Variants in MAX observed in about 807,000 individuals in gnomAD.
MAX encodes the protein protein max.
A neutral mutation model predicts 22.3 loss-of-function variants in MAX; 3 were observed. The observed-to-expected ratio is 0.13, with a 90% CI of 0.06 to 0.35. The LOEUF is 0.35. MAX is among the 10% of genes least tolerant of loss of function. The pLI is 1.00. For synonymous variants in MAX, 72 were observed against 77.7 expected (o/e 0.93, Z 0.39); for missense variants, 119 against 209.4 (o/e 0.57, Z 2.66).
At chr14:65,090,179 A>G (rs982614760) in intron 3 of MAX, 1 of 152,220 alleles carries the variant, frequency 6.6e-6, no homozygotes, top group Non-Finnish European at 1.5e-5. Flanking sequence ...CACTGCCAAG[A>G]TTAATAGGCC....
In MAX at chr14:65,075,560, C is replaced by T. The variant is rs2063036190; in HGVS notation, c.*916G>A. On this transcript the variant is annotated 3_prime_UTR_variant, in exon 5 of 5. Transcript: ENST00000358664. The surrounding 1 kb of genome is among the most constrained non-coding windows in gnomAD (Gnocchi z 4.1). The stretch of plus-strand genomic sequence containing the variant: ...GGAAGAAAGAAAGATTTCATCATTA[C>T]TTTATGAATCTGTCGCTTTGCAAGA... 3 of 1,065,812 alleles carry T rather than the reference C, an allele frequency of 2.8e-6. No homozygotes were observed. The highest frequency in any genetic ancestry group is 9.1e-5 in the South Asian group (2 of 21,992). 66.0% of individuals were successfully genotyped at this position (1,065,812 alleles called of 1,614,324 possible).
At chr14:65,072,982 A>C (rs1445684510), downstream of MAX, among the ~76,000 whole-genome samples, 1 of 152,174 alleles carries the variant, frequency 6.6e-6, no homozygotes, top group Non-Finnish European at 1.5e-5. Flanking sequence ...ACTTTAGGAA[A>C]GGTGTCTGGG....
rs146496267 is a variant in MAX, at chr14:65,056,208, T to C, written c.171+37500A>G. Among the ~76,000 whole-genome samples, 488 of 152,354 alleles carry C rather than the reference T, an allele frequency of 3.2e-3. 3 individuals are homozygous for C. The highest frequency in any genetic ancestry group is 0.011 in the African/African-American group (470 of 41,576). ...GCTTTTTCCACTTGCCATTGTATTT[T>C]TGAGGTTTATCTGTGTTCACATGTG... On this transcript the variant is annotated intron_variant, in intron 3 of 3. Coordinates refer to the MAX transcript ENST00000341653.
rs972243087 is a variant in MAX, at chr14:65,014,233, C to G, written c.172-7949G>C. On this transcript the variant is annotated intron_variant, in intron 3 of 3. Coordinates refer to the MAX transcript ENST00000341653. The surrounding 1 kb of genome is among the most constrained non-coding windows in gnomAD (Gnocchi z 5.1). ...TTTAATTTATAAAACTGGGGCAGTA[C>G]TCCTACCTACCCTGCCTAGCCTTGA... Among the ~76,000 whole-genome samples, 1 of 152,196 alleles carries G rather than the reference C, an allele frequency of 6.6e-6. No homozygotes were observed. The highest frequency in any genetic ancestry group is 1.5e-5 in the Non-Finnish European group (1 of 68,038).
chr14:65,054,930 C>G lies in MAX; in HGVS notation c.171+38778G>C, dbSNP rs1273328799. On this transcript the variant is annotated intron_variant, in intron 3 of 3. Coordinates refer to the MAX transcript ENST00000341653. This position sits in a 1 kb window ranked among gnomAD's most constrained non-coding sequence, Gnocchi z 4.4. ...TGTCAAAGAGCTGTTGTGCCTTTATCCCAGGGCTGAGGACCTAGCCCACTG... is the reference window on the plus strand; with the variant it reads ...TGTCAAAGAGCTGTTGTGCCTTTATGCCAGGGCTGAGGACCTAGCCCACTG... 6.6e-6 allele frequency among the ~76,000 whole-genome samples: 1 copy of G among 152,204 alleles called. No homozygotes were observed. The highest frequency in any genetic ancestry group is 1.5e-5 in the Non-Finnish European group (1 of 68,028).
chr14:65,075,162 TA>T lies in MAX; in HGVS notation c.*1313del, dbSNP rs2063026357. The stretch of plus-strand genomic sequence containing the variant: ...TAAGTTTTTATTTATAGTCTTATAG[TA>T]AAGGGGGAAGCCTTAACTTGCAAGA... On this transcript the variant is annotated 3_prime_UTR_variant, in exon 5 of 5. Transcript: ENST00000358664. This position sits in a 1 kb window ranked among gnomAD's most constrained non-coding sequence, Gnocchi z 4.1. 1 of 1,029,936 alleles carries T rather than the reference TA, an allele frequency of 9.7e-7. No individual in the cohort carries two copies. The highest frequency in any genetic ancestry group is 1.7e-5 in the African/African-American group (1 of 58,974). 63.8% of individuals were successfully genotyped at this position (1,029,936 alleles called of 1,614,324 possible). A position where few individuals can be genotyped will look rare whatever the true frequency, so the allele number is the denominator to read the frequency against.
At position 65,078,139 on chromosome 14, in the gene MAX, G is replaced by A. The variant is rs1019390275; in HGVS notation, c.172-103C>T. The A allele has an allele frequency of 4.8e-6, 6 of 1,250,446 alleles. No homozygotes were observed. The Admixed American group carries it at 1.1e-4, about 23-fold the overall frequency. 77.5% of individuals were successfully genotyped at this position (1,250,446 alleles called of 1,614,324 possible). On this transcript the variant is annotated intron_variant, in intron 3 of 4. Coordinates refer to ENST00000358664, the MANE Select transcript of MAX (RefSeq NM_002382.5). This position sits in a 1 kb window ranked among gnomAD's most constrained non-coding sequence, Gnocchi z 6.4. ...ACTGCTTGGGTGGCTGGAAACGAGAGGGTAAGGTGGGAAAAGGCTGAAGAA... is the reference window on the plus strand; with the variant it reads ...ACTGCTTGGGTGGCTGGAAACGAGAAGGTAAGGTGGGAAAAGGCTGAAGAA...
rs2062041157 is a variant in MAX at position 65,029,512 on chromosome 14, T to TA, written c.172-23229dup. 6.6e-6 allele frequency among the ~76,000 whole-genome samples: 1 copy of TA among 152,236 alleles called. No individual in the cohort carries two copies. Among genetic ancestry groups the TA allele is most frequent in the Non-Finnish European group, 1.5e-5 (1 of 68,032 alleles). On this transcript the variant is annotated intron_variant, in intron 3 of 3. Transcript: ENST00000341653. This position sits in a 1 kb window ranked among gnomAD's most constrained non-coding sequence, Gnocchi z 4.7. Reference sequence around the variant, plus strand: ...AAGGGTCTGTAGTTCCAGTGTATTGTAAAAAATCAAATCACAGTGAACTCA... The same window carrying TA: ...AAGGGTCTGTAGTTCCAGTGTATTGTAAAAAAATCAAATCACAGTGAACTCA...
At chr14:65,038,691 C>T (rs2062272065) in intron 3 of MAX, among the ~76,000 whole-genome samples, 1 of 152,150 alleles carries the variant, frequency 6.6e-6, no homozygotes, top group South Asian at 2.1e-4. Flanking sequence ...GTACTCCAGC[C>T]TCGGCATCAG....
At chr14:65,102,615 C>G (rs1347655612), upstream of MAX, 6 of 1,287,560 alleles carry the variant, frequency 4.7e-6, no homozygotes, top group African/African-American at 7.6e-5. Context: ...GTTCTTGTCC[C>G]TCTAACAGAC....
intron 3 of MAX, among the ~76,000 whole-genome samples, chr14:65,019,452 A>C (rs1248144433): frequency 6.6e-6 from 1 of 152,154 alleles, no homozygotes; most frequent in Non-Finnish European, 1.5e-5. Context: ...ACACCACTGC[A>C]CTCCAGCCTG....
At chr14:65,085,799 A>C (rs185700464) in intron 3 of MAX, among the ~76,000 whole-genome samples, 193 of 152,328 alleles carry the variant, frequency 1.3e-3, no homozygotes, top group Non-Finnish European at 9.8e-4. Context: ...GGAACCCCCA[A>C]GTCACCTGGG....
intron 3 of MAX, among the ~76,000 whole-genome samples, chr14:65,067,553 G>T (rs1039164521): frequency 6.6e-6 from 1 of 151,646 alleles, no homozygotes; most frequent in Non-Finnish European, 1.5e-5. Flanking sequence ...TGAAAAGTAT[G>T]GCCAGGTATT....
In MAX at chr14:65,027,220, G is replaced by A. The variant is rs948012154; in HGVS notation, c.172-20936C>T. ...CCCAGCCTTGTGTTCCCTGCTTCAT[G>A]ACCAACAAGCGCTTAAGTACGAAAC... On this transcript the variant is annotated intron_variant, in intron 3 of 3. Coordinates refer to the MAX transcript ENST00000341653. This position sits in a 1 kb window ranked among gnomAD's most constrained non-coding sequence, Gnocchi z 5.7. Among the ~76,000 whole-genome samples the A allele has an allele frequency of 1.3e-5, 2 of 152,184 alleles. No homozygotes were observed. Among genetic ancestry groups the A allele is most frequent in the African/African-American group, 4.8e-5 (2 of 41,460 alleles).
At position 65,084,114 on chromosome 14, in the gene MAX, G is replaced by C. The variant is rs2063263581; in HGVS notation, c.172-6078C>G. On this transcript the variant is annotated intron_variant, in intron 3 of 4. Coordinates refer to ENST00000358664, the MANE Select transcript of MAX (RefSeq NM_002382.5). The surrounding 1 kb of genome is among the most constrained non-coding windows in gnomAD (Gnocchi z 4.3). Reference sequence around the variant, plus strand: ...TTACCAGGGTAAGGCAGAGCTATCAGCCCTCAAGCAGCTTAATTAAAGCCA... The same window carrying C: ...TTACCAGGGTAAGGCAGAGCTATCACCCCTCAAGCAGCTTAATTAAAGCCA... 2 of 1,605,428 alleles carry C rather than the reference G, an allele frequency of 1.2e-6. No homozygotes were observed. Among genetic ancestry groups the C allele is most frequent in the Non-Finnish European group, 1.7e-6 (2 of 1,174,470 alleles).
intron 3 of MAX, among the ~76,000 whole-genome samples, chr14:65,038,573 C>T (rs967158566): frequency 1.3e-5 from 2 of 151,764 alleles, no homozygotes; most frequent in African/African-American, 2.4e-5. Context: ...CAAAAATTAG[C>T]CGGGCGTGGT....
chr14:65,058,468 G>A (rs117961244), intron 3 of MAX, among the ~76,000 whole-genome samples: 2,189 of 152,126 alleles, frequency 0.014, 18 homozygotes, highest in Admixed American at 0.021. Context: ...TTCTTGCCTT[G>A]TATTGTTGGG....
intron 3 of MAX, among the ~76,000 whole-genome samples, chr14:65,020,318 G>A (rs1446473121): frequency 6.6e-6 from 1 of 152,228 alleles, no homozygotes; most frequent in Non-Finnish European, 1.5e-5. Flanking sequence ...TTGCTGTGTT[G>A]CCTGGGCTGG....
intron 3 of MAX, among the ~76,000 whole-genome samples, chr14:65,081,444 T>A (rs1305024528): frequency 1.3e-5 from 2 of 152,188 alleles, no homozygotes; most frequent in Admixed American, 1.3e-4. Flanking sequence ...AAACACAGGA[T>A]GAAGGTGGGG....
Sources: allele counts gnomAD v4.1 joint callset (sites outside exome capture counted in the v4.1 genomes callset), GRCh38; gene constraint gnomAD v4.1.1; non-coding constraint Gnocchi (gnomAD v3.1); transcripts MANE v1.5; gene names NCBI Gene and HGNC (gene_info 2026-07-23, HGNC 2026-07-21).